Variants in TNNT2 observed in about 807,000 individuals in gnomAD.
The protein encoded by TNNT2 is troponin T, cardiac muscle.
In TNNT2, 34 loss-of-function variants were observed where a neutral mutation model predicts 62.4. That is an observed-to-expected ratio of 0.54 (90% confidence interval 0.41 to 0.72). TNNT2 has a LOEUF of 0.72. TNNT2 is among the 30% of genes least tolerant of loss of function. The probability of loss-of-function intolerance (pLI) is 0.00; values close to 1 mark genes in which losing one functional copy is unlikely to be tolerated. For synonymous variants in TNNT2, 123 were observed against 127.2 expected (o/e 0.97, Z 0.22); for missense variants, 275 against 381.9 (o/e 0.72, Z 2.33).
intron 8 of TNNT2, chr1:201,366,274 G>A: frequency 9.8e-7 from 1 of 1,021,328 alleles, no homozygotes; most frequent in Non-Finnish European, 1.2e-6. Flanking sequence ...ACTGAAATGG[G>A]AAGAGCCTGT....
At chr1:201,375,796 TTCTC>T (rs2102331493) in intron 1 of TNNT2, among the ~76,000 whole-genome samples, 1 of 152,302 alleles carries the variant, frequency 6.6e-6, no homozygotes, top group African/African-American at 2.4e-5. Flanking sequence ...GCTTCTAGCT[TTCTC>T]TCTCCTCTCC....
intron 1 of TNNT2, among the ~76,000 whole-genome samples, chr1:201,376,894 A>G (rs1000348301): frequency 6.6e-6 from 1 of 152,214 alleles, no homozygotes; most frequent in Non-Finnish European, 1.5e-5. Flanking sequence ...GCTCACACCC[A>G]AGGACAGGTT....
chr1:201,363,275 C>T lies in TNNT2; in HGVS notation c.600+21G>A, dbSNP rs774285949. On this transcript the variant is annotated intron_variant, in intron 12 of 16. Coordinates refer to ENST00000656932, the MANE Select transcript of TNNT2 (RefSeq NM_001276345.2). ...GGGCTATACTAGGATCTCCTGGCAA[C>T]CCCTGCTGCTCCCTACCTACCTTCT... 11 of 1,613,528 alleles carry T rather than the reference C, an allele frequency of 6.8e-6. No individual in the cohort carries two copies. In the African/African-American group the frequency reaches 1.2e-4, roughly 18 times the overall value.
chr1:201,374,919 C>CTAAA (rs1338767583), intron 1 of TNNT2: 3 of 152,184 alleles, frequency 2.0e-5, no homozygotes, highest in African/African-American at 7.2e-5. Context: ...TAAAGTGAGG[C>CTAAA]GGGAGAAGAA....
chr1:201,362,381 C>T lies in TNNT2; in HGVS notation c.609+5G>A. ...GGAAGAAGGCTTGAGGTTTTTGGTA[C>T]CCACCTGGGCCTGCTAAACCGGGAA... On this transcript the variant is annotated splice_donor_5th_base_variant and intron_variant, in intron 13 of 16. Transcript: ENST00000656932. The T allele has an allele frequency of 1.2e-6, 2 of 1,613,842 alleles. No individual in the cohort carries two copies. The highest frequency in any genetic ancestry group is 8.5e-7 in the Non-Finnish European group (1 of 1,179,928).
chr1:201,359,157 G>A lies in TNNT2; in HGVS notation c.*53C>T. The A allele has an allele frequency of 2.5e-6, 4 of 1,585,946 alleles. No individual in the cohort carries two copies. The South Asian group carries it at 4.6e-5, about 18-fold the overall frequency. The stretch of plus-strand genomic sequence containing the variant: ...AGGGCCCGGGAACTGGGGGAGTGCA[G>A]GCCGGAGGCAGGTGCGAGCGAGGAG... On this transcript the variant is annotated 3_prime_UTR_variant, in exon 17 of 17. Coordinates refer to ENST00000656932, the MANE Select transcript of TNNT2 (RefSeq NM_001276345.2).
At position 201,362,111 on chromosome 1, in the gene TNNT2, G is replaced by A. The variant is rs774177832; in HGVS notation, c.610-89C>T. On this transcript the variant is annotated intron_variant, in intron 13 of 16. Transcript: ENST00000656932. ...CCAAACCCCCTGGGGGTGGAGCAAGGCCTGCAGGAGGGCCAGGTTCTTATG... is the reference window on the plus strand; with the variant it reads ...CCAAACCCCCTGGGGGTGGAGCAAGACCTGCAGGAGGGCCAGGTTCTTATG... 7.0e-7 allele frequency: 1 copy of A among 1,425,974 alleles called. No individual in the cohort carries two copies. Among genetic ancestry groups the A allele is most frequent in the East Asian group, 2.3e-5 (1 of 43,968 alleles). The allele number at this position is 1,425,974 out of a possible 1,614,324, so 88.3% of individuals were successfully genotyped here.
At chr1:201,365,405 C>A in intron 9 of TNNT2, 98 bp from the exon 10 acceptor site, 1 of 1,244,058 alleles carries the variant, frequency 8.0e-7, no homozygotes, top group Non-Finnish European at 1.2e-6. Flanking sequence ...CAAAAGACCT[C>A]TGGCAGGGCC....
At chr1:201,365,118 TG>T in intron 10 of TNNT2, 72 bp downstream of exon 10, 2 of 1,297,790 alleles carry the variant, frequency 1.5e-6, no homozygotes, top group Admixed American at 1.7e-5. Context: ...CTGGAGGAGG[TG>T]GGGCCTCACA....
chr1:201,371,787 A>G lies in TNNT2; in HGVS notation c.67+240T>C, dbSNP rs115156877. ...GGAGAAGAAGCAAAAAAAATTGGGAAAAGTGATCAGTGTGTTTGAAGCAAA... is the reference window on the plus strand; with the variant it reads ...GGAGAAGAAGCAAAAAAAATTGGGAGAAGTGATCAGTGTGTTTGAAGCAAA... On this transcript the variant is annotated intron_variant, in intron 4 of 16. Transcript: ENST00000656932. Among the ~76,000 whole-genome samples, 4,012 of 152,286 alleles carry G rather than the reference A, an allele frequency of 0.026. 164 individuals carry two copies. Among genetic ancestry groups the G allele is most frequent in the African/African-American group, 0.093 (3,845 of 41,542 alleles).
At chr1:201,373,357 G>C in intron 1 of TNNT2, 89 bp from the exon 2 acceptor site, 1 of 1,157,400 alleles carries the variant, frequency 8.6e-7, no homozygotes, top group Non-Finnish European at 1.3e-6. Context: ...AGAGATCAGC[G>C]AGGCCTAGGG....
intron 10 of TNNT2, 59 bp from the exon 11 acceptor site, chr1:201,364,434 T>C (rs1659297598): frequency 6.4e-7 from 1 of 1,554,608 alleles, no homozygotes; most frequent in Non-Finnish European, 8.8e-7. Context: ...ACATCGCAGG[T>C]ACAGAAACCT....
At chr1:201,369,743 G>T in intron 5 of TNNT2, 73 bp downstream of exon 5, 3 of 1,600,032 alleles carry the variant, frequency 1.9e-6, no homozygotes, top group African/African-American at 1.3e-5. Flanking sequence ...CCCAGAACAG[G>T]GCCCCTGGAC....
chr1:201,373,737 C>T, intron 1 of TNNT2: 1 of 201,016 alleles, frequency 5.0e-6, no homozygotes, highest in South Asian at 9.6e-5. Context: ...CCATGCCCGA[C>T]TAATTTTTGT....
Position 201,361,912 on chromosome 1 carries a change from C to A in TNNT2, c.719+1G>T, listed in dbSNP as rs1169197265. ...CCAGGACCATTCCTCCCAGCCCCCA[C>A]CTCAGCTGATCTTCATTCAGGTGGT... On this transcript the variant is annotated splice_donor_variant, in intron 14 of 16. Transcript: ENST00000656932. LOFTEE classifies it high-confidence loss of function. The A allele has an allele frequency of 6.2e-7, 1 of 1,614,000 alleles. No individual in the cohort carries two copies. The highest frequency in any genetic ancestry group is 8.5e-7 in the Non-Finnish European group (1 of 1,179,840).
chr1:201,376,804 A>G (rs926591889), intron 1 of TNNT2, among the ~76,000 whole-genome samples: 1 of 152,156 alleles, frequency 6.6e-6, no homozygotes, highest in Non-Finnish European at 1.5e-5. Flanking sequence ...GCTTGTCCCA[A>G]GATGGGGTGT....
At chr1:201,370,590 C>G (rs1660476587) in intron 4 of TNNT2, among the ~76,000 whole-genome samples, 1 of 152,210 alleles carries the variant, frequency 6.6e-6, no homozygotes, top group Non-Finnish European at 1.5e-5. Flanking sequence ...TAGTGGACAC[C>G]CATCTAGACG....
At chr1:201,361,251 G>A in intron 15 of TNNT2, 28 bp downstream of exon 15, 3 of 1,608,708 alleles carry the variant, frequency 1.9e-6, no homozygotes, top group Non-Finnish European at 2.6e-6. Flanking sequence ...AGATGGAGAT[G>A]CTGGGCGGGG....
At chr1:201,359,731 G>T in intron 15 of TNNT2, 68 bp from the exon 16 acceptor site, 1 of 1,422,774 alleles carries the variant, frequency 7.0e-7, no homozygotes, top group South Asian at 1.2e-5. Flanking sequence ...AGGTGGCCTG[G>T]GGATGGGGAG....
Sources: allele counts gnomAD v4.1 joint callset (sites outside exome capture counted in the v4.1 genomes callset), GRCh38; gene constraint gnomAD v4.1.1; transcripts MANE v1.5; gene names NCBI Gene and HGNC (gene_info 2026-07-23, HGNC 2026-07-21).